UBTD1: variants seen among roughly 807,000 people sequenced by gnomAD.
The protein encoded by UBTD1 is ubiquitin domain containing 1.
UBTD1 carries 19 observed loss-of-function variants against 21.7 expected under a neutral mutation model. That is an observed-to-expected ratio of 0.87 (90% CI 0.61 to 1.28). UBTD1 has a LOEUF of 1.28. Among genes scored for constraint, UBTD1 ranks in the 50% most tolerant of loss-of-function variants. The pLI, the probability that UBTD1 is intolerant of heterozygous loss-of-function variation, is 0.00. For synonymous variants in UBTD1, 116 were observed against 135.1 expected (o/e 0.86, Z 0.98); for missense variants, 282 against 315.1 (o/e 0.89, Z 0.80).
intron 1 of UBTD1, among the ~76,000 whole-genome samples, chr10:97,505,616 G>A (rs1025120344): frequency 6.6e-6 from 1 of 152,198 alleles, no homozygotes; most frequent in East Asian, 1.9e-4. Flanking sequence ...GTTTCATCTG[G>A]CATTGGTGGA....
At chr10:97,503,862 C>A (rs1290798450) in intron 1 of UBTD1, among the ~76,000 whole-genome samples, 1 of 152,004 alleles carries the variant, frequency 6.6e-6, no homozygotes, top group Non-Finnish European at 1.5e-5. Flanking sequence ...GTGACTCCTC[C>A]CACATTTATA....
rs930248767 is a variant in UBTD1 at position 97,534,579 on chromosome 10, G to GCGCA, written c.71-33334_71-33333insGCAC. On this transcript the variant is annotated intron_variant, in intron 1 of 2. Coordinates refer to ENST00000370664, the MANE Select transcript of UBTD1 (RefSeq NM_024954.5). ...CACTAAGGAACACACACGCGCGCGC[G>GCGCA]CACACACACACACACACACACACAC... is the stretch of plus-strand genomic sequence containing the variant. 2.3e-3 allele frequency among the ~76,000 whole-genome samples: 336 copies of GCGCA among 145,358 alleles called. 4 individuals are homozygous for GCGCA. The highest frequency in any genetic ancestry group is 0.01 in the Middle Eastern group (3 of 286).
At chr10:97,516,513 T>G (rs1166532417) in intron 1 of UBTD1, among the ~76,000 whole-genome samples, 1 of 151,744 alleles carries the variant, frequency 6.6e-6, no homozygotes, top group East Asian at 1.9e-4. Flanking sequence ...CGGTGGCTCA[T>G]GCCTGTAATC....
At chr10:97,503,090 ATTT>A (rs1205076921) in intron 1 of UBTD1, among the ~76,000 whole-genome samples, 8 of 151,632 alleles carry the variant, frequency 5.3e-5, no homozygotes, top group African/African-American at 1.9e-4. Context: ...CTAACTTTTT[ATTT>A]TTTGTAGAGA....
chr10:97,535,057 C>T (rs1402489781), intron 1 of UBTD1, among the ~76,000 whole-genome samples: 7 of 152,206 alleles, frequency 4.6e-5, no homozygotes, highest in Non-Finnish European at 1.0e-4. Flanking sequence ...AGAAATCTCA[C>T]CTGGACTCTG....
At chr10:97,532,618 C>T (rs1485006434) in intron 1 of UBTD1, among the ~76,000 whole-genome samples, 3 of 152,086 alleles carry the variant, frequency 2.0e-5, no homozygotes, top group Non-Finnish European at 2.9e-5. Context: ...GGTGAAACCC[C>T]GTCTCTATTA....
At chr10:97,560,151 C>A (rs184060320) in intron 1 of UBTD1, among the ~76,000 whole-genome samples, 1 of 152,004 alleles carries the variant, frequency 6.6e-6, no homozygotes, top group African/African-American at 2.4e-5. Context: ...TTTAAACAAC[C>A]ACTTAATTTA....
intron 1 of UBTD1, among the ~76,000 whole-genome samples, chr10:97,548,412 A>G (rs1056426916): frequency 6.6e-6 from 1 of 152,216 alleles, no homozygotes. Flanking sequence ...GAAGTGCGGT[A>G]ATTCCCACCT....
At chr10:97,526,959 C>T (rs550207295) in intron 1 of UBTD1, among the ~76,000 whole-genome samples, 1 of 150,726 alleles carries the variant, frequency 6.6e-6, no homozygotes, top group Non-Finnish European at 1.5e-5. Flanking sequence ...ATTACCTGAG[C>T]TCAAGAGTTC....
chr10:97,507,445 C>T (rs1244214487), intron 1 of UBTD1, among the ~76,000 whole-genome samples: 4 of 150,418 alleles, frequency 2.7e-5, no homozygotes, highest in Admixed American at 6.6e-5. Context: ...AAGAAAAACC[C>T]GGGCCACATA....
In UBTD1 at chr10:97,516,046, C is replaced by T. The variant is rs115624626; in HGVS notation, c.70+16773C>T. On this transcript the variant is annotated intron_variant, in intron 1 of 2. Transcript: ENST00000370664. ...AGGAGACAATGAAAGAAGTGACCCT[C>T]GGCAGAGCCCACCTGTTGCCAAATA... 3.6e-3 allele frequency among the ~76,000 whole-genome samples: 554 copies of T among 152,334 alleles called. 6 individuals carry two copies. Among genetic ancestry groups the T allele is most frequent in the African/African-American group, 0.013 (522 of 41,576 alleles).
chr10:97,556,240 A>G (rs1452408837), intron 1 of UBTD1, among the ~76,000 whole-genome samples: 1 of 152,142 alleles, frequency 6.6e-6, no homozygotes, highest in Non-Finnish European at 1.5e-5. Flanking sequence ...TCCATGCCAC[A>G]CTTGCATGGG....
intron 1 of UBTD1, among the ~76,000 whole-genome samples, chr10:97,527,323 C>A (rs574486181): frequency 1.3e-5 from 2 of 151,780 alleles, no homozygotes; most frequent in African/African-American, 4.8e-5. Context: ...CAAAAAATTT[C>A]AAAAAGAAAA....
chr10:97,528,129 A>AC (rs1289875695), intron 1 of UBTD1, among the ~76,000 whole-genome samples: 1 of 96,124 alleles, frequency 1.0e-5, no homozygotes, highest in Non-Finnish European at 2.1e-5. Flanking sequence ...CGGGGGGCTG[A>AC]CCCCCCCACC....
intron 1 of UBTD1, among the ~76,000 whole-genome samples, chr10:97,510,487 A>T (rs1192960595): frequency 6.6e-6 from 1 of 152,228 alleles, no homozygotes; most frequent in African/African-American, 2.4e-5. Flanking sequence ...AGATAACAGT[A>T]TCTACTCCAT....
Position 97,570,220 on chromosome 10 carries a change from G to A in UBTD1, c.381G>A (p.Leu127=), listed in dbSNP as rs775304296. The A allele has an allele frequency of 6.2e-7, 1 of 1,613,352 alleles. No homozygotes were observed. The highest frequency in any genetic ancestry group is 8.5e-7 in the Non-Finnish European group (1 of 1,180,010). ...IYCLSPPVNL[L]LEHTEEESLE... is the part of the protein sequence containing the mutation. ...GCCTGTCACCGCCGGTGAACCTGCT[G>A]CTGGAGCACACGGAGGAGGAGAGCC... Residue 127 remains leucine, a synonymous_variant, in exon 3 of 3, where the codon CTG becomes CTA. Coordinates refer to ENST00000370664, the MANE Select transcript of UBTD1 (RefSeq NM_024954.5). This position sits in a 1 kb window ranked among gnomAD's most constrained non-coding sequence, Gnocchi z 6.6.
At chr10:97,544,469 C>T (rs972534836) in intron 1 of UBTD1, among the ~76,000 whole-genome samples, 3 of 152,112 alleles carry the variant, frequency 2.0e-5, no homozygotes, top group East Asian at 1.9e-4. Flanking sequence ...ATGACAAAAG[C>T]GACTGCAGTT....
At chr10:97,568,893 G>A (rs563807872) in intron 2 of UBTD1, among the ~76,000 whole-genome samples, 3 of 152,134 alleles carry the variant, frequency 2.0e-5, no homozygotes, top group South Asian at 4.1e-4. Flanking sequence ...GAGCGATCTC[G>A]GCTCACCGCA....
intron 1 of UBTD1, among the ~76,000 whole-genome samples, chr10:97,565,770 G>A (rs977333708): frequency 6.6e-6 from 1 of 152,004 alleles, no homozygotes; most frequent in Non-Finnish European, 1.5e-5. Flanking sequence ...GGAGTGCAGT[G>A]GCATGATCAT....
Sources: gnomAD v4.1 joint callset for allele counts (sites outside exome capture counted in the v4.1 genomes callset) on GRCh38, gnomAD v4.1.1 for gene constraint, Gnocchi (gnomAD v3.1) non-coding constraint, MANE v1.5 for transcripts, NCBI Gene and HGNC (gene_info 2026-07-23, HGNC 2026-07-21) for gene names.